The following SMC2 variants were observed in gnomAD, a reference collection of about 807,000 sequenced individuals.
SMC2 encodes structural maintenance of chromosomes protein 2.
Under a neutral mutation model 142.6 loss-of-function variants are expected in SMC2, and 41 were observed. That is an observed-to-expected ratio of 0.29 (90% confidence interval 0.22 to 0.37). The LOEUF (loss-of-function observed/expected upper bound fraction) is 0.37. Among genes scored for constraint, SMC2 ranks in the 10% least tolerant of loss-of-function variants. The probability of loss-of-function intolerance (pLI) is 1.00; values close to 1 mark genes in which losing one functional copy is unlikely to be tolerated. For missense variants in SMC2, 1,265 were observed against 1,373.7 expected (o/e 0.92, Z 1.25); for synonymous variants, 463 against 457.5 (o/e 1.01, Z -0.15).
At chr9:104,099,182 A>C (rs1172484064) in intron 4 of SMC2, among the ~76,000 whole-genome samples, 1 of 152,094 alleles carries the variant, frequency 6.6e-6, no homozygotes, top group African/African-American at 2.4e-5. Flanking sequence ...GTAATGAATA[A>C]ATTTAATGGT....
At chr9:104,089,287 T>C (rs1829959487), upstream of SMC2, among the ~76,000 whole-genome samples, 1 of 152,134 alleles carries the variant, frequency 6.6e-6, no homozygotes, top group South Asian at 2.1e-4. Flanking sequence ...AGATGTTAAC[T>C]GCAGAAGCAA....
In SMC2 at chr9:104,131,650, C is replaced by CTTT. The variant is rs34656812; in HGVS notation, c.2992-344_2992-342dup. Among the ~76,000 whole-genome samples the CTTT allele has an allele frequency of 1.5e-3, 201 of 132,420 alleles. 2 individuals carry two copies. Among genetic ancestry groups the CTTT allele is most frequent in the South Asian group, 8.6e-3 (35 of 4,062 alleles). The allele number at this position is 132,420 out of a possible 152,430, so 86.9% of individuals were successfully genotyped here. A position where few individuals can be genotyped will look rare whatever the true frequency, so the allele number is the denominator to read the frequency against. ...CTTTTACTTAAGTTTATATGTAACACTTTTTTTTTTTTTTTTTGCCTTGGC... is the reference window on the plus strand; with the variant it reads ...CTTTTACTTAAGTTTATATGTAACACTTTTTTTTTTTTTTTTTTTTGCCTTGGC... On this transcript the variant is annotated intron_variant, in intron 21 of 24. Transcript: ENST00000374793.
chr9:104,124,125 C>G (rs967162195), intron 17 of SMC2, among the ~76,000 whole-genome samples: 4 of 152,218 alleles, frequency 2.6e-5, no homozygotes, highest in African/African-American at 9.6e-5. Context: ...CGGAGTCTCT[C>G]TCTGTCCCCA....
intron 19 of SMC2, 92 bp from the exon 20 acceptor site, chr9:104,127,194 C>T: frequency 2.0e-6 from 2 of 995,244 alleles, no homozygotes; most frequent in Non-Finnish European, 2.9e-6. Context: ...ACATTGCCCT[C>T]TTGCCCAGGG....
intron 23 of SMC2, chr9:104,135,960 A>G (rs1835489396): frequency 2.7e-5 from 14 of 517,186 alleles, no homozygotes; most frequent in Non-Finnish European, 5.4e-5. Context: ...CATAAAGGAA[A>G]GAAGAGTGTT....
intron 9 of SMC2, among the ~76,000 whole-genome samples, chr9:104,105,153 A>G (rs1234164791): frequency 6.6e-6 from 1 of 152,224 alleles, no homozygotes; most frequent in Non-Finnish European, 1.5e-5. Flanking sequence ...GCAATGTTAT[A>G]TATGGTACCA....
At chr9:104,131,650 CTT>C (rs34656812) in intron 21 of SMC2, among the ~76,000 whole-genome samples, 35 of 132,388 alleles carry the variant, frequency 2.6e-4, no homozygotes, top group African/African-American at 2.8e-4. Flanking sequence ...ATATGTAACA[CTT>C]TTTTTTTTTT....
chr9:104,100,454 G>A, intron 7 of SMC2, 21 bp downstream of exon 7: 2 of 1,398,210 alleles, frequency 1.4e-6, no homozygotes, highest in South Asian at 1.2e-5. Flanking sequence ...TATATGTGAG[G>A]ATAATCTATT....
rs1184430757 is a variant in SMC2, at chr9:104,127,436, A to G, written c.2746A>G (p.Asn916Asp). 4 of 1,612,662 alleles carry G rather than the reference A, an allele frequency of 2.5e-6. No individual in the cohort carries two copies. Among genetic ancestry groups the G allele is most frequent in the East Asian group, 2.2e-5 (1 of 44,858 alleles). ...GCTTAAAATTAAGGAATTAGACCAC[A>G]ACATCAGCAAACATAAACGGGAGGC... ...SQLKIKELDH[N>D]ISKHKREAED... Residue 916 changes from asparagine to aspartate, a missense_variant, in exon 20 of 25, where the codon AAC becomes GAC. Transcript: ENST00000374793.
At chr9:104,128,357 C>A (rs1024874127) in intron 20 of SMC2, among the ~76,000 whole-genome samples, 2 of 152,116 alleles carry the variant, frequency 1.3e-5, no homozygotes, top group Non-Finnish European at 2.9e-5. Flanking sequence ...GACTGAAATA[C>A]TACCAATGGC....
intron 11 of SMC2, 73 bp from the exon 12 acceptor site, chr9:104,113,891 G>A: frequency 9.5e-6 from 8 of 840,484 alleles, no homozygotes; most frequent in Non-Finnish European, 1.5e-5. Context: ...AATAGTGGTT[G>A]CTAATATTTT....
In SMC2 at chr9:104,127,463, G is replaced by A. The variant is rs1834438282; in HGVS notation, c.2773G>A (p.Glu925Lys). Reference protein sequence around the residue: ...HNISKHKREAEDGAAKVSKML... With the variant: ...HNISKHKREAKDGAAKVSKML... ...CATCAGCAAACATAAACGGGAGGCT[G>A]AAGATGGTGCTGCAAAGGTATACGT... Residue 925 changes from glutamate (E) to lysine (K), a missense_variant, in exon 20 of 25, where the codon GAA becomes AAA. Transcript: ENST00000374793. 6.2e-7 allele frequency: 1 copy of A among 1,609,626 alleles called. No individual in the cohort carries two copies. The highest frequency in any genetic ancestry group is 1.3e-5 in the African/African-American group (1 of 74,794).
At chr9:104,138,994 G>A in intron 24 of SMC2, 145 bp from the exon 25 acceptor site, 2 of 470,034 alleles carry the variant, frequency 4.3e-6, no homozygotes, top group Non-Finnish European at 7.3e-6. Context: ...AAAACAATAT[G>A]GACAGCTAGC....
intron 24 of SMC2, among the ~76,000 whole-genome samples, chr9:104,138,906 G>C (rs1689224932): frequency 6.6e-6 from 1 of 152,062 alleles, no homozygotes; most frequent in African/African-American, 2.4e-5. Flanking sequence ...AGCTACAAAA[G>C]ATAGCAACAA....
intron 20 of SMC2, among the ~76,000 whole-genome samples, chr9:104,129,084 G>A (rs984017060): frequency 6.6e-6 from 1 of 152,126 alleles, no homozygotes; most frequent in South Asian, 2.1e-4. Flanking sequence ...AAATTTCTCT[G>A]TGAGTTGGCT....
chr9:104,134,364 T>G, intron 22 of SMC2, 51 bp from the exon 23 acceptor site: 1 of 1,414,312 alleles, frequency 7.1e-7, no homozygotes. Flanking sequence ...AACAATTGAT[T>G]CTTCTTGGAA....
chr9:104,115,663 A>C (rs1448510536), intron 13 of SMC2, among the ~76,000 whole-genome samples: 3 of 152,144 alleles, frequency 2.0e-5, no homozygotes, highest in Non-Finnish European at 4.4e-5. Context: ...AGTCAGACAT[A>C]TTAACATAGC....
intron 9 of SMC2, among the ~76,000 whole-genome samples, chr9:104,110,691 C>T (rs1832335385): frequency 6.6e-6 from 1 of 152,186 alleles, no homozygotes; most frequent in African/African-American, 2.4e-5. Flanking sequence ...CACTGTGCTC[C>T]TAGTCCGGTT....
intron 16 of SMC2, 103 bp from the exon 17 acceptor site, chr9:104,123,005 T>G (rs893573046): frequency 1.7e-6 from 2 of 1,197,954 alleles, no homozygotes; most frequent in Non-Finnish European, 2.3e-6. Flanking sequence ...ATATTGTTTA[T>G]AACGTATGTG....
Sources: gnomAD v4.1 joint callset for allele counts (sites outside exome capture counted in the v4.1 genomes callset) on GRCh38, gnomAD v4.1.1 for gene constraint, MANE v1.5 for transcripts, NCBI Gene and HGNC (gene_info 2026-07-23, HGNC 2026-07-21) for gene names.